The following SLC44A5 variants were observed in gnomAD, a reference collection of about 807,000 sequenced individuals.
The protein encoded by SLC44A5 is choline transporter-like protein 5.
In SLC44A5, 57 loss-of-function variants were observed where a neutral mutation model predicts 101.8. The ratio of observed to expected loss-of-function variants is 0.56; its 90% CI spans 0.45 to 0.70. SLC44A5 has a LOEUF of 0.70. SLC44A5 is among the 30% of genes least tolerant of loss of function. The pLI is 0.00. For synonymous variants in SLC44A5, 281 were observed against 290.9 expected (o/e 0.97, Z 0.35); for missense variants, 737 against 853.1 (o/e 0.86, Z 1.70).
intron 3 of SLC44A5, among the ~76,000 whole-genome samples, chr1:75,369,878 G>A (rs1297343193): frequency 6.6e-6 from 1 of 152,192 alleles, no homozygotes; most frequent in Non-Finnish European, 1.5e-5. Context: ...CCAGCTGGAA[G>A]TTTTCCCATT....
intron 13 of SLC44A5, among the ~76,000 whole-genome samples, chr1:75,225,244 A>G (rs1225298526): frequency 6.6e-6 from 1 of 152,238 alleles, no homozygotes; most frequent in Non-Finnish European, 1.5e-5. Context: ...TCAGCAGAGT[A>G]ACATGCTGTA....
the SLC44A5 span, among the ~76,000 whole-genome samples, chr1:75,620,145 C>T: frequency 6.6e-6 from 1 of 152,132 alleles, no homozygotes; most frequent in Non-Finnish European, 1.5e-5. Flanking sequence ...ATCCATGTCC[C>T]TCCAAAGGAT....
chr1:75,311,600 TGATTA>T, intron 4 of SLC44A5: 1 of 983,390 alleles, frequency 1.0e-6, no homozygotes, highest in Non-Finnish European at 1.2e-6. Context: ...TCTAATTTCA[TGATTA>T]ATGAGGTACC....
chr1:75,561,929 T>A (rs927582456), intron 1 of SLC44A5, among the ~76,000 whole-genome samples: 6 of 152,010 alleles, frequency 3.9e-5, no homozygotes, highest in African/African-American at 1.2e-4. Context: ...AATGTAATAT[T>A]TTTTGTTATA....
At chr1:75,285,009 G>T (rs1266565229) in intron 5 of SLC44A5, among the ~76,000 whole-genome samples, 1 of 152,014 alleles carries the variant, frequency 6.6e-6, no homozygotes. Context: ...TGGCATTAGG[G>T]TGATACTGGC....
At chr1:75,648,769 A>T in the SLC44A5 span, among the ~76,000 whole-genome samples, 1 of 149,910 alleles carries the variant, frequency 6.7e-6, no homozygotes, top group African/African-American at 2.5e-5. Context: ...TTTGATGGGA[A>T]AAAAAAGGAT....
At chr1:75,522,646 T>C (rs915857658) in intron 2 of SLC44A5, among the ~76,000 whole-genome samples, 2 of 152,286 alleles carry the variant, frequency 1.3e-5, no homozygotes, top group Non-Finnish European at 2.9e-5. Context: ...GCATAATGGC[T>C]TAGAACCTGT....
At chr1:75,330,818 A>G (rs1656996028) in intron 4 of SLC44A5, among the ~76,000 whole-genome samples, 1 of 152,118 alleles carries the variant, frequency 6.6e-6, no homozygotes, top group Non-Finnish European at 1.5e-5. Context: ...CTTGCTCTTG[A>G]TGAAGTCACT....
chr1:75,537,524 A>G (rs1671121233), intron 2 of SLC44A5, among the ~76,000 whole-genome samples: 1 of 152,120 alleles, frequency 6.6e-6, no homozygotes. Flanking sequence ...GAGGAGAGAA[A>G]GAAATGCATG....
At chr1:75,681,606 T>C in the SLC44A5 span, among the ~76,000 whole-genome samples, 9 of 150,724 alleles carry the variant, frequency 6.0e-5, no homozygotes, top group Admixed American at 3.3e-4. Flanking sequence ...TGGGACATAT[T>C]TCAAAATAAT....
chr1:75,527,572 T>A (rs1371078717), intron 2 of SLC44A5, among the ~76,000 whole-genome samples: 1 of 152,230 alleles, frequency 6.6e-6, no homozygotes, highest in African/African-American at 2.4e-5. Flanking sequence ...AGAAAACATA[T>A]CTGGCTGGCT....
intron 3 of SLC44A5, among the ~76,000 whole-genome samples, chr1:75,352,033 G>C (rs1658715679): frequency 6.6e-6 from 1 of 151,806 alleles, no homozygotes; most frequent in South Asian, 2.1e-4. Context: ...ACTGGAATCT[G>C]TTCTACTATT....
chr1:75,702,658 T>C, the SLC44A5 span, among the ~76,000 whole-genome samples: 6 of 152,154 alleles, frequency 3.9e-5, no homozygotes, highest in African/African-American at 1.4e-4. Flanking sequence ...AATTGACAAA[T>C]GGGATCTAAT....
At chr1:75,646,555 C>T in the SLC44A5 span, among the ~76,000 whole-genome samples, 3 of 152,042 alleles carry the variant, frequency 2.0e-5, no homozygotes, top group African/African-American at 7.2e-5. Flanking sequence ...GAATTGCAAC[C>T]CAAATTGTAA....
chr1:75,628,854 T>A, the SLC44A5 span, among the ~76,000 whole-genome samples: 1 of 152,144 alleles, frequency 6.6e-6, no homozygotes, highest in African/African-American at 2.4e-5. Flanking sequence ...TCCTACACTA[T>A]AACATGGGAA....
At chr1:75,601,336 G>A (rs185172412) in intron 1 of SLC44A5, among the ~76,000 whole-genome samples, 3 of 149,580 alleles carry the variant, frequency 2.0e-5, no homozygotes, top group East Asian at 4.0e-4. Context: ...GAGAACACAT[G>A]GACACAGGGA....
chr1:75,503,457 C>T (rs951956111), intron 2 of SLC44A5, among the ~76,000 whole-genome samples: 6 of 152,048 alleles, frequency 3.9e-5, no homozygotes, highest in African/African-American at 9.7e-5. Context: ...TGCAGCCATG[C>T]GAAGACATGC....
At chr1:75,543,596 T>TAA (rs1020210497) in intron 1 of SLC44A5, among the ~76,000 whole-genome samples, 5 of 26,236 alleles carry the variant, frequency 1.9e-4, no homozygotes, top group Non-Finnish European at 5.2e-4. Flanking sequence ...TATAAATAAA[T>TAA]ATATATATAT....
At chr1:75,496,061 A>G (rs1258283680) in intron 2 of SLC44A5, among the ~76,000 whole-genome samples, 1 of 152,018 alleles carries the variant, frequency 6.6e-6, no homozygotes, top group Non-Finnish European at 1.5e-5. Flanking sequence ...TTTTTTGGTA[A>G]TCCCTATCAA....
Sources: gnomAD v4.1 joint callset for allele counts (sites outside exome capture counted in the v4.1 genomes callset) on GRCh38, gnomAD v4.1.1 for gene constraint, MANE v1.5 for transcripts, NCBI Gene and HGNC (gene_info 2026-07-23, HGNC 2026-07-21) for gene names.